The following ITIH2 variants were observed in gnomAD, a reference collection of about 807,000 sequenced individuals.
The protein encoded by ITIH2 is inter-alpha-trypsin inhibitor heavy chain 2, also known as inter-alpha-trypsin inhibitor heavy chain H2.
A neutral mutation model predicts 104.4 loss-of-function variants in ITIH2; 103 were observed. The ratio of observed to expected loss-of-function variants is 0.99; its 90% CI spans 0.84 to 1.16. The LOEUF (loss-of-function observed/expected upper bound fraction) is 1.16. ITIH2 is among the 50% of genes most tolerant of loss of function. The pLI is 0.00. For synonymous variants in ITIH2, 436 were observed against 435.4 expected (o/e 1.00, Z -0.02); for missense variants, 1,108 against 1,162.4 (o/e 0.95, Z 0.68).
rs971443094 is a variant in ITIH2 at position 7,709,130 on chromosome 10, C to G, written c.301C>G (p.Pro101Ala). 3 of 1,613,956 alleles carry G rather than the reference C, an allele frequency of 1.9e-6. No homozygotes were observed. The African/African-American group carries it at 4.0e-5, about 22-fold the overall frequency. ...QSKVVNNSPQ[P>A]QNVVFDVQIP... ...CAAAGTGGTGAACAATTCCCCGCAG[C>G]CTCAGAATGTCGTGTTTGATGTTCA... The change falls in exon 4 of 21, where the codon CCT (proline) becomes GCT (alanine). Residue 101 changes from proline (P) to alanine (A), a missense_variant. Pro to Ala is a conservative substitution (Grantham distance 27, BLOSUM62 -1). Coordinates refer to ENST00000358415, the MANE Select transcript of ITIH2 (RefSeq NM_002216.3).
At chr10:7,722,392 G>A (rs1433746431) in intron 8 of ITIH2, among the ~76,000 whole-genome samples, 1 of 152,154 alleles carries the variant, frequency 6.6e-6, no homozygotes, top group African/African-American at 2.4e-5. Context: ...AATTAGGTGA[G>A]CCAGTCATCA....
At chr10:7,745,692 G>T (rs1022500907) in intron 19 of ITIH2, among the ~76,000 whole-genome samples, 26 of 151,878 alleles carry the variant, frequency 1.7e-4, no homozygotes, top group African/African-American at 6.0e-4. Flanking sequence ...GCTGCAGTGA[G>T]CTATGACTGT....
intron 4 of ITIH2, among the ~76,000 whole-genome samples, chr10:7,711,703 T>A (rs776948679): frequency 1.3e-5 from 2 of 152,198 alleles, no homozygotes; most frequent in Non-Finnish European, 2.9e-5. Context: ...ACACACGTGC[T>A]GTTGGCATTT....
At chr10:7,746,297 C>T (rs1044809703) in intron 19 of ITIH2, among the ~76,000 whole-genome samples, 3 of 151,552 alleles carry the variant, frequency 2.0e-5, no homozygotes, top group Non-Finnish European at 4.4e-5. Flanking sequence ...AACACTTGAG[C>T]CCAGGAGGTG....
At chr10:7,722,659 T>C (rs947575157) in intron 8 of ITIH2, among the ~76,000 whole-genome samples, 2 of 152,144 alleles carry the variant, frequency 1.3e-5, no homozygotes, top group South Asian at 2.1e-4. Context: ...CATTCCCCAC[T>C]ATCTCAACCT....
chr10:7,723,832 C>A (rs2130949803), intron 9 of ITIH2, among the ~76,000 whole-genome samples: 1 of 152,244 alleles, frequency 6.6e-6, no homozygotes, highest in Non-Finnish European at 1.5e-5. Flanking sequence ...CCTTCTCTTT[C>A]TCTTTTCCAC....
At chr10:7,737,662 ATATTATATTCTATATTTTCTATAT>A (rs1835073330) in intron 15 of ITIH2, among the ~76,000 whole-genome samples, 1 of 34,160 alleles carries the variant, frequency 2.9e-5, no homozygotes, top group Non-Finnish European at 5.6e-5. Flanking sequence ...ATTATATTCT[ATATTATATTCTATATTTTCTATAT>A]TATATTCTAT....
At chr10:7,731,763 A>G (rs907242658) in intron 12 of ITIH2, 48 bp from the exon 13 acceptor site, 2 of 1,287,176 alleles carry the variant, frequency 1.6e-6, no homozygotes, top group South Asian at 1.4e-5. Flanking sequence ...CTTTAGATCT[A>G]CAAAGCAGTA....
Position 7,746,067 on chromosome 10 carries a change from T to TAAAAA in ITIH2, c.2582-526_2582-525insAAAAA, listed in dbSNP as rs1564308527. On this transcript the variant is annotated intron_variant, in intron 19 of 20. Coordinates refer to ENST00000358415, the MANE Select transcript of ITIH2 (RefSeq NM_002216.3). ...CCACACCCGGCCCCAAATCTTAAAT[T>TAAAAA]TAAAAAAAAAAAAAAAAAAAAAAAA... Among the ~76,000 whole-genome samples the TAAAAA allele has an allele frequency of 8.0e-4, 41 of 51,114 alleles. 1 individual carries two copies. Among genetic ancestry groups the TAAAAA allele is most frequent in the African/African-American group, 3.5e-3 (38 of 10,988 alleles). 33.5% of individuals were successfully genotyped at this position (51,114 alleles called of 152,430 possible). A position where few individuals can be genotyped will look rare whatever the true frequency, so the allele number is the denominator to read the frequency against.
chr10:7,728,784 T>G (rs763755328), intron 11 of ITIH2, among the ~76,000 whole-genome samples: 1 of 152,056 alleles, frequency 6.6e-6, no homozygotes, highest in African/African-American at 2.4e-5. Context: ...TCGTACAGAC[T>G]AGGACCGAGT....
rs1834862255 is a variant in ITIH2 at position 7,717,605 on chromosome 10, GT to G, written c.468-19del. The G allele has an allele frequency of 6.2e-7, 1 of 1,606,886 alleles. No individual in the cohort carries two copies. The highest frequency in any genetic ancestry group is 8.5e-7 in the Non-Finnish European group (1 of 1,174,284). On this transcript the variant is annotated intron_variant, in intron 5 of 20. Transcript: ENST00000358415. ...CTCAATCATGTATCTGTTGACTTTT[GT>G]TGGGGGCTTTCACCTTTAGGAGCAG...
At chr10:7,727,937 C>T (rs1834967037) in intron 11 of ITIH2, 109 bp downstream of exon 11, 7 of 1,253,628 alleles carry the variant, frequency 5.6e-6, no homozygotes, top group African/African-American at 1.5e-5. Context: ...GTTTCTAGAA[C>T]ATTTTAAACC....
intron 14 of ITIH2, among the ~76,000 whole-genome samples, chr10:7,734,458 G>A (rs1204424928): frequency 3.3e-5 from 5 of 152,228 alleles, no homozygotes; most frequent in Non-Finnish European, 1.5e-5. Flanking sequence ...ACTTTGGGAG[G>A]CCAAGGCGTG....
intron 2 of ITIH2, 36 bp downstream of exon 2, chr10:7,705,218 A>AG: frequency 2.2e-6 from 3 of 1,356,594 alleles, no homozygotes; most frequent in Non-Finnish European, 3.1e-6. Flanking sequence ...GGGGAAAAAA[A>AG]GTGAAAGAGA....
chr10:7,719,624 G>A (rs932221908), intron 6 of ITIH2, among the ~76,000 whole-genome samples: 1 of 151,744 alleles, frequency 6.6e-6, no homozygotes, highest in African/African-American at 2.4e-5. Context: ...AGCCAGGCAT[G>A]GTGGTGCTCC....
chr10:7,713,896 C>A (rs192946836), intron 5 of ITIH2, among the ~76,000 whole-genome samples: 3 of 151,858 alleles, frequency 2.0e-5, no homozygotes, highest in Admixed American at 6.6e-5. Context: ...AGAGATAAGG[C>A]CTTGCTTTGT....
chr10:7,738,591 AAACT>A, intron 15 of ITIH2, 26 bp from the exon 16 acceptor site: 2 of 1,612,000 alleles, frequency 1.2e-6, no homozygotes, highest in Middle Eastern at 1.7e-4. Flanking sequence ...GTAAATCTAG[AAACT>A]AACAGATGCA....
intron 9 of ITIH2, among the ~76,000 whole-genome samples, chr10:7,724,960 C>T (rs796145639): frequency 1.1e-4 from 16 of 152,108 alleles, no homozygotes; most frequent in African/African-American, 3.6e-4. Context: ...CAAATATTTA[C>T]GAAGCACCTA....
chr10:7,727,153 T>A (rs1194141614), intron 10 of ITIH2, 35 bp downstream of exon 10: 1 of 1,553,038 alleles, frequency 6.4e-7, no homozygotes, highest in Non-Finnish European at 8.8e-7. Flanking sequence ...AGGAGACACT[T>A]CCTCTGGGTT....
Sources: gnomAD v4.1 joint callset for allele counts (sites outside exome capture counted in the v4.1 genomes callset) on GRCh38, gnomAD v4.1.1 for gene constraint, MANE v1.5 for transcripts, NCBI Gene and HGNC (gene_info 2026-07-23, HGNC 2026-07-21) for gene names.